ERICH6B: variants seen among roughly 807,000 people sequenced by gnomAD.
ERICH6B encodes glutamate-rich protein 6B.
In ERICH6B, 69 loss-of-function variants were observed where a neutral mutation model predicts 80.0. The ratio of observed to expected loss-of-function variants is 0.86; its 90% CI spans 0.71 to 1.05. The LOEUF (loss-of-function observed/expected upper bound fraction) is 1.05. ERICH6B is among the 50% of genes least tolerant of loss of function. The pLI, the probability that ERICH6B is intolerant of heterozygous loss-of-function variation, is 0.00. For missense variants in ERICH6B, 754 were observed against 796.1 expected, an observed-to-expected ratio of 0.95 and a Z score of 0.64; for synonymous variants, 283 against 291.9, an observed-to-expected ratio of 0.97 and a Z score of 0.31.
At chr13:45,590,270 A>G (rs768091370) in intron 4 of ERICH6B, among the ~76,000 whole-genome samples, 1 of 151,854 alleles carries the variant, frequency 6.6e-6, no homozygotes, top group African/African-American at 2.4e-5. Flanking sequence ...CCTTGGAAAT[A>G]TGCCTGAGCC....
chr13:45,586,854 G>A (rs1253442151), intron 5 of ERICH6B, among the ~76,000 whole-genome samples: 2 of 152,162 alleles, frequency 1.3e-5, no homozygotes, highest in Non-Finnish European at 2.9e-5. Context: ...CTCTGAGGGG[G>A]GTCTGGGATG....
intron 3 of ERICH6B, among the ~76,000 whole-genome samples, chr13:45,595,531 G>A (rs1214999889): frequency 1.3e-5 from 2 of 151,930 alleles, no homozygotes; most frequent in East Asian, 3.8e-4. Context: ...AAATATATGT[G>A]TGTGTGTATA....
At position 45,587,075 on chromosome 13, in the gene ERICH6B, C is replaced by T. The variant is rs573695989; in HGVS notation, c.844G>A (p.Asp282Asn). 5.6e-5 allele frequency: 87 copies of T among 1,551,548 alleles called. No homozygotes were observed. In the East Asian group the frequency reaches 1.2e-3, roughly 21 times the overall value. ...SQASQTDWCY[D>N]RTAVKSLKSK... ...CAGCTTCCCTCACCGGCAGTTCTGT[C>T]GTAGCACCAGTCTGTCTGACTGGCC... is the stretch of plus-strand genomic sequence containing the variant. Residue 282 changes from aspartate (D) to asparagine (N), a missense_variant, in exon 5 of 15, where the codon GAC becomes AAC. Coordinates refer to ENST00000298738, the MANE Select transcript of ERICH6B (RefSeq NM_182542.3).
intron 7 of ERICH6B, among the ~76,000 whole-genome samples, chr13:45,575,875 G>A (rs1875379968): frequency 6.6e-6 from 1 of 152,144 alleles, no homozygotes; most frequent in Non-Finnish European, 1.5e-5. Context: ...GATTCTGAGA[G>A]AAGAACTAGG....
chr13:45,567,695 T>C (rs749283731), intron 9 of ERICH6B, among the ~76,000 whole-genome samples: 6 of 152,206 alleles, frequency 3.9e-5, no homozygotes, highest in Non-Finnish European at 8.8e-5. Context: ...ATCAGCAGCA[T>C]GAAAATGAAC....
intron 8 of ERICH6B, among the ~76,000 whole-genome samples, chr13:45,570,405 C>G (rs1353805220): frequency 6.6e-6 from 1 of 152,082 alleles, no homozygotes; most frequent in East Asian, 1.9e-4. Flanking sequence ...TGAGACCAGC[C>G]TGGGCAACAT....
intron 9 of ERICH6B, among the ~76,000 whole-genome samples, chr13:45,564,955 C>T (rs1353665909): frequency 6.6e-6 from 1 of 152,158 alleles, no homozygotes; most frequent in African/African-American, 2.4e-5. Flanking sequence ...TCTTCAATAC[C>T]AGAGACTGGG....
chr13:45,566,108 T>C (rs60306104), intron 9 of ERICH6B, among the ~76,000 whole-genome samples: 3,558 of 152,176 alleles, frequency 0.023, 141 homozygotes, highest in African/African-American at 0.081. Flanking sequence ...GCCCTAGAGA[T>C]TTGTGAAACT....
chr13:45,590,186 T>C (rs1876099806), intron 4 of ERICH6B, among the ~76,000 whole-genome samples: 1 of 151,666 alleles, frequency 6.6e-6, no homozygotes, highest in South Asian at 2.1e-4. Context: ...TCCACAGATA[T>C]TTCATTGACC....
At position 45,596,857 on chromosome 13, in the gene ERICH6B, G is replaced by C; in HGVS notation, c.149C>G (p.Ser50Cys). Residue 50 changes from serine (S) to cysteine (C), a missense_variant, in exon 3 of 15, where the codon TCT (serine) becomes TGT (cysteine). Ser to Cys is a moderately radical substitution (Grantham distance 112, BLOSUM62 -1). Transcript: ENST00000298738. ...GTCCTCCAGAGACTCTCCCTCTGGA[G>C]AAAATGGAGATTCATCCTGTAGACT... ...EESLQDESPF[S>C]PEGESLEDKE... 2 of 1,551,816 alleles carry C rather than the reference G, an allele frequency of 1.3e-6. No homozygotes were observed.
chr13:45,609,913 C>G (rs990420723), intron 1 of ERICH6B, among the ~76,000 whole-genome samples: 4 of 152,250 alleles, frequency 2.6e-5, no homozygotes, highest in African/African-American at 9.6e-5. Context: ...CAACCTTCGT[C>G]TTGCCTTTGG....
Position 45,544,784 on chromosome 13 carries a change from A to G in ERICH6B, c.1848T>C (p.Cys616=), listed in dbSNP as rs1335429966. ...CCTTGTACCTGGTGCCCAGGTTTAA[A>G]CAAATCTGCTTCTGTTCATAGGTGA... is the stretch of plus-strand genomic sequence containing the variant. ...FCFTYEQKQI[C]LNLGTRYKFV... The change falls in exon 14 of 15, where the codon TGT becomes TGC. Residue 616 remains cysteine (C), a synonymous_variant. Transcript: ENST00000298738. 4 of 1,551,578 alleles carry G rather than the reference A, an allele frequency of 2.6e-6. No individual in the cohort carries two copies. The Admixed American group carries it at 7.8e-5, about 30-fold the overall frequency.
At chr13:45,577,636 C>G (rs560479828) in intron 7 of ERICH6B, among the ~76,000 whole-genome samples, 2 of 152,024 alleles carry the variant, frequency 1.3e-5, no homozygotes, top group Non-Finnish European at 2.9e-5. Context: ...TTTTTAGGGA[C>G]AGGGTCTCTC....
At chr13:45,603,177 A>G (rs953491026) in intron 2 of ERICH6B, among the ~76,000 whole-genome samples, 4 of 152,132 alleles carry the variant, frequency 2.6e-5, no homozygotes, top group Admixed American at 6.5e-5. Context: ...CCCTTCCTCC[A>G]TGTTTTTCTT....
chr13:45,553,848 A>G (rs1268900578), intron 11 of ERICH6B, among the ~76,000 whole-genome samples: 2 of 152,136 alleles, frequency 1.3e-5, no homozygotes, highest in Non-Finnish European at 2.9e-5. Context: ...TTAATTGACA[A>G]TTAAAAATTG....
At position 45,604,281 on chromosome 13, in the gene ERICH6B, A is replaced by G. The variant is rs533105372; in HGVS notation, c.-59+3283T>C. Among the ~76,000 whole-genome samples the G allele has an allele frequency of 5.3e-5, 8 of 152,326 alleles. No individual in the cohort carries two copies. The Middle Eastern group carries it at 0.01, about 196-fold the overall frequency. ...CTTTGGCTCATCCAAATAATTTTTCATTGACTGCTAGCCGTTTCCAGTTCC... is the reference window on the plus strand; with the variant it reads ...CTTTGGCTCATCCAAATAATTTTTCGTTGACTGCTAGCCGTTTCCAGTTCC... On this transcript the variant is annotated intron_variant, in intron 2 of 14. Transcript: ENST00000298738.
In ERICH6B at chr13:45,556,172, T is replaced by C. The variant is rs577711401; in HGVS notation, c.1407+5197A>G. 4.6e-5 allele frequency among the ~76,000 whole-genome samples: 7 copies of C among 151,968 alleles called. No homozygotes were observed. The East Asian group carries it at 1.2e-3, about 25-fold the overall frequency. On this transcript the variant is annotated intron_variant, in intron 11 of 14. Coordinates refer to ENST00000298738, the MANE Select transcript of ERICH6B (RefSeq NM_182542.3). ...AAATAGCCAACATAGCACCAAATAG[T>C]ACTTCTGTGTATTGACTCTCTCCTC...
intron 2 of ERICH6B, among the ~76,000 whole-genome samples, chr13:45,606,529 ATATATATATATATATATATTTT>A (rs1471398683): frequency 3.9e-4 from 9 of 23,104 alleles, no homozygotes; most frequent in South Asian, 2.1e-3. Flanking sequence ...ATATATATAT[ATATATATATATATATATATTTT>A]TTTTTTTTTT....
chr13:45,608,312 A>T (rs1242684184), intron 1 of ERICH6B, among the ~76,000 whole-genome samples: 1 of 152,220 alleles, frequency 6.6e-6, no homozygotes, highest in South Asian at 2.1e-4. Flanking sequence ...GCCTTATTGG[A>T]GATGGCATTT....
Sources: allele counts gnomAD v4.1 joint callset (sites outside exome capture counted in the v4.1 genomes callset), GRCh38; gene constraint gnomAD v4.1.1; transcripts MANE v1.5; gene names NCBI Gene and HGNC (gene_info 2026-07-23, HGNC 2026-07-21).